CDK5RAP2: variants seen among roughly 807,000 people sequenced by gnomAD.
CDK5RAP2 encodes the protein CDK5 regulatory subunit-associated protein 2.
In CDK5RAP2, 147 loss-of-function variants were observed where a neutral mutation model predicts 232.9. The ratio of observed to expected loss-of-function variants is 0.63; its 90% CI spans 0.55 to 0.72. CDK5RAP2 has a LOEUF of 0.72. CDK5RAP2 is among the 30% of genes least tolerant of loss of function. The pLI is 0.00. For synonymous variants in CDK5RAP2, 833 were observed against 833.7 expected (o/e 1.00, Z 0.01); for missense variants, 2,195 against 2,231.5 (o/e 0.98, Z 0.33).
chr9:120,405,211 T>G (rs1400973468), intron 32 of CDK5RAP2, among the ~76,000 whole-genome samples: 1 of 152,220 alleles, frequency 6.6e-6, no homozygotes, highest in Non-Finnish European at 1.5e-5. Context: ...TAGAACAGAA[T>G]TTTTAAAACA....
At chr9:120,458,644 C>A in intron 19 of CDK5RAP2, 22 bp from the exon 20 acceptor site, 1 of 1,610,424 alleles carries the variant, frequency 6.2e-7, no homozygotes, top group South Asian at 1.1e-5. Context: ...AGTATTTGGT[C>A]AAATAATGGA....
chr9:120,459,339 T>C (rs2036958498), intron 19 of CDK5RAP2, among the ~76,000 whole-genome samples: 2 of 152,174 alleles, frequency 1.3e-5, no homozygotes, highest in African/African-American at 4.8e-5. Context: ...TTCTCCCCTA[T>C]CCAAAGCTGT....
chr9:120,488,944 C>A (rs1326199702), intron 13 of CDK5RAP2, among the ~76,000 whole-genome samples: 1 of 152,240 alleles, frequency 6.6e-6, no homozygotes, highest in Non-Finnish European at 1.5e-5. Context: ...CTTTGTGGAA[C>A]CCATGTCTCT....
rs921580313 is a variant in CDK5RAP2, at chr9:120,398,081, T to G, written c.5451+2661A>C. On this transcript the variant is annotated intron_variant, in intron 35 of 37. Coordinates refer to ENST00000349780, the MANE Select transcript of CDK5RAP2 (RefSeq NM_018249.6). ...TTCTCCAAGGGAACCCTAGTTCCCT[T>G]TAGCGGGCAAAGGTATCTAGAAACC... 1.6e-4 allele frequency among the ~76,000 whole-genome samples: 24 copies of G among 152,330 alleles called. 1 individual carries two copies. The highest frequency in any genetic ancestry group is 5.5e-4 in the African/African-American group (23 of 41,576).
intron 15 of CDK5RAP2, among the ~76,000 whole-genome samples, chr9:120,475,082 T>G (rs1191254348): frequency 6.6e-6 from 1 of 152,214 alleles, no homozygotes; most frequent in Non-Finnish European, 1.5e-5. Context: ...CTTTACACAG[T>G]GTCCTCTCTA....
At chr9:120,426,728 G>A (rs972181519) in intron 25 of CDK5RAP2, among the ~76,000 whole-genome samples, 1 of 152,176 alleles carries the variant, frequency 6.6e-6, no homozygotes, top group African/African-American at 2.4e-5. Flanking sequence ...CAGCATTTCA[G>A]GGCCATTTCA....
chr9:120,396,461 C>T (rs567567876), intron 35 of CDK5RAP2, among the ~76,000 whole-genome samples: 7 of 152,366 alleles, frequency 4.6e-5, no homozygotes, highest in Admixed American at 3.9e-4. Flanking sequence ...TCATTTCCAA[C>T]TTGGCCTGGC....
At chr9:120,551,206 T>C (rs573652833) in intron 3 of CDK5RAP2, among the ~76,000 whole-genome samples, 1 of 152,278 alleles carries the variant, frequency 6.6e-6, no homozygotes, top group Non-Finnish European at 1.5e-5. Flanking sequence ...GAATTTCTTC[T>C]TTTCAAAAGA....
In CDK5RAP2 at chr9:120,491,375, A is replaced by AT. The variant is rs2038898287; in HGVS notation, c.1413dup (p.Leu472IlefsTer27). On this transcript the variant is annotated frameshift_variant, in exon 13 of 38. Coordinates refer to ENST00000349780, the MANE Select transcript of CDK5RAP2 (RefSeq NM_018249.6). LOFTEE classifies it high-confidence loss of function. ...TTGATCACTTGCTCTTGATTGTGCAATTTTTTATTGCTTTCACTCAGAAGA... is the reference window on the plus strand; with the variant it reads ...TTGATCACTTGCTCTTGATTGTGCAATTTTTTTATTGCTTTCACTCAGAAGA... 7 of 1,613,130 alleles carry AT rather than the reference A, an allele frequency of 4.3e-6. No homozygotes were observed. Among genetic ancestry groups the AT allele is most frequent in the East Asian group, 2.2e-5 (1 of 44,794 alleles).
intron 5 of CDK5RAP2, among the ~76,000 whole-genome samples, chr9:120,542,495 C>CAAAAAAAAA (rs369756744): frequency 1.1e-5 from 1 of 93,422 alleles, no homozygotes. Context: ...GACTCCATCT[C>CAAAAAAAAA]AAAAAAAAAA....
chr9:120,519,822 TTC>T (rs556316523), intron 11 of CDK5RAP2, among the ~76,000 whole-genome samples: 3 of 152,224 alleles, frequency 2.0e-5, no homozygotes, highest in Non-Finnish European at 1.5e-5. Context: ...TTTTGAGAGA[TTC>T]TCTCTGTTAT....
intron 17 of CDK5RAP2, 88 bp from the exon 18 acceptor site, chr9:120,468,085 G>A (rs1019300641): frequency 3.2e-5 from 42 of 1,326,294 alleles, no homozygotes; most frequent in South Asian, 4.7e-5. Flanking sequence ...CCTATCAAGC[G>A]ACTCTTTGGC....
In CDK5RAP2 at chr9:120,536,531, A is replaced by G. The variant is rs757637055; in HGVS notation, c.508-5T>C. ...TGCCTGGGCGGCTGTCACATCCTAG[A>G]GTCAAATTAAATGCATTTGATGCAA... is the stretch of plus-strand genomic sequence containing the variant. On this transcript the variant is annotated splice_region_variant and splice_polypyrimidine_tract_variant and intron_variant, in intron 6 of 37. Coordinates refer to ENST00000349780, the MANE Select transcript of CDK5RAP2 (RefSeq NM_018249.6). The G allele has an allele frequency of 6.2e-7, 1 of 1,613,802 alleles. No homozygotes were observed. The highest frequency in any genetic ancestry group is 1.1e-5 in the South Asian group (1 of 91,030).
chr9:120,554,323 G>A lies in CDK5RAP2; in HGVS notation c.196-3421C>T, dbSNP rs117731015. Among the ~76,000 whole-genome samples, 10 of 152,278 alleles carry A rather than the reference G, an allele frequency of 6.6e-5. No individual in the cohort carries two copies. In the South Asian group the frequency reaches 8.3e-4, roughly 13 times the overall value. ...TTTTTGAGACTCTGAATTGTGAAGCGAGTGCTGATGATATTTACTAAATGC... is the reference window on the plus strand; with the variant it reads ...TTTTTGAGACTCTGAATTGTGAAGCAAGTGCTGATGATATTTACTAAATGC... On this transcript the variant is annotated intron_variant, in intron 3 of 37. Coordinates refer to ENST00000349780, the MANE Select transcript of CDK5RAP2 (RefSeq NM_018249.6).
intron 11 of CDK5RAP2, among the ~76,000 whole-genome samples, chr9:120,520,773 G>GAGATATATCTCAT (rs1564332379): frequency 1.7e-4 from 11 of 64,426 alleles, no homozygotes; most frequent in African/African-American, 5.8e-4. Flanking sequence ...ATATATCTCA[G>GAGATATATCTCAT]ATATCTCATG....
At chr9:120,550,308 G>A (rs540303167) in intron 4 of CDK5RAP2, among the ~76,000 whole-genome samples, 28 of 152,302 alleles carry the variant, frequency 1.8e-4, no homozygotes, top group African/African-American at 6.0e-4. Context: ...CAAGAAGACG[G>A]TAATTGTCAA....
intron 29 of CDK5RAP2, among the ~76,000 whole-genome samples, chr9:120,410,086 G>A (rs760669228): frequency 4.6e-5 from 7 of 152,022 alleles, no homozygotes; most frequent in Admixed American, 1.3e-4. Flanking sequence ...CTCATGCATC[G>A]CCCTATTTAA....
chr9:120,427,211 C>T (rs925212576), intron 25 of CDK5RAP2, among the ~76,000 whole-genome samples: 1 of 152,166 alleles, frequency 6.6e-6, no homozygotes, highest in African/African-American at 2.4e-5. Context: ...CCCTGGGCCA[C>T]TCTGTGTCTT....
chr9:120,522,014 C>T (rs775129189), intron 11 of CDK5RAP2, among the ~76,000 whole-genome samples: 33 of 152,112 alleles, frequency 2.2e-4, no homozygotes, highest in Non-Finnish European at 4.1e-4. Flanking sequence ...TGTACTAATA[C>T]AGTTAACAAG....
Sources: allele counts gnomAD v4.1 joint callset (sites outside exome capture counted in the v4.1 genomes callset), GRCh38; gene constraint gnomAD v4.1.1; transcripts MANE v1.5; gene names NCBI Gene and HGNC (gene_info 2026-07-23, HGNC 2026-07-21).